The following TENM4 variants were observed in gnomAD, a reference collection of about 807,000 sequenced individuals.
TENM4 encodes the protein teneurin transmembrane protein 4.
A neutral mutation model predicts 243.3 loss-of-function variants in TENM4; 82 were observed. The ratio of observed to expected loss-of-function variants is 0.34; its 90% CI spans 0.28 to 0.40. TENM4 has a LOEUF of 0.40. Ranked by LOEUF, TENM4 falls within the 10% of genes least tolerant of loss-of-function variation. The probability of loss-of-function intolerance (pLI) is 1.00; values close to 1 mark genes in which losing one functional copy is unlikely to be tolerated. For synonymous variants in TENM4, 1,412 were observed against 1,456.3 expected (o/e 0.97, Z 0.69); for missense variants, 3,138 against 3,673.3 (o/e 0.85, Z 3.77).
At chr11:79,411,706 TG>T (rs1858705133) in intron 1 of TENM4, among the ~76,000 whole-genome samples, 1 of 152,184 alleles carries the variant, frequency 6.6e-6, no homozygotes, top group Non-Finnish European at 1.5e-5. Context: ...TTTTGGTTTT[TG>T]GTTTCCTCTA....
intron 3 of TENM4, 77 bp from the exon 4 acceptor site, chr11:79,148,883 G>C: frequency 4.5e-6 from 2 of 442,132 alleles, no homozygotes; most frequent in Non-Finnish European, 6.0e-6. Flanking sequence ...GAAGATTCTG[G>C]CAGCTTGGGA....
chr11:79,002,014 C>T (rs539266177), intron 6 of TENM4, among the ~76,000 whole-genome samples: 135 of 152,284 alleles, frequency 8.9e-4, no homozygotes, highest in African/African-American at 3.1e-3. Context: ...ATCCAGGGTG[C>T]ACCTGGCTTC....
intron 10 of TENM4, among the ~76,000 whole-genome samples, chr11:78,857,475 TTAC>T (rs1475614305): frequency 6.6e-6 from 1 of 152,206 alleles, no homozygotes; most frequent in Admixed American, 6.5e-5. Flanking sequence ...ATAAAACATT[TTAC>T]TGTTTTAAAT....
At chr11:78,844,819 T>A (rs960146079) in intron 12 of TENM4, among the ~76,000 whole-genome samples, 5 of 152,192 alleles carry the variant, frequency 3.3e-5, no homozygotes, top group Admixed American at 2.6e-4. Context: ...TGTTCAGAAC[T>A]GTGAGAAATA....
At chr11:79,261,280 G>A (rs985532772) in intron 2 of TENM4, among the ~76,000 whole-genome samples, 1 of 152,176 alleles carries the variant, frequency 6.6e-6, no homozygotes, top group African/African-American at 2.4e-5. Flanking sequence ...TAGCAGGGTA[G>A]CCTCCATGCT....
At chr11:79,266,722 T>A (rs537474212) in intron 2 of TENM4, among the ~76,000 whole-genome samples, 1 of 152,246 alleles carries the variant, frequency 6.6e-6, no homozygotes, top group African/African-American at 2.4e-5. Context: ...GGCCAAAGCA[T>A]GACTTTTGCT....
At chr11:78,885,466 G>A (rs1328606349) in intron 9 of TENM4, among the ~76,000 whole-genome samples, 1 of 152,262 alleles carries the variant, frequency 6.6e-6, no homozygotes, top group Non-Finnish European at 1.5e-5. Context: ...TCCCAGGAGA[G>A]GAGGAGATGG....
At chr11:79,343,503 G>C (rs903254717) in intron 1 of TENM4, among the ~76,000 whole-genome samples, 1 of 152,100 alleles carries the variant, frequency 6.6e-6, no homozygotes, top group South Asian at 2.1e-4. Context: ...GTTCTTGTGA[G>C]CATTAAAAAA....
chr11:78,905,319 A>G (rs1424375631), intron 6 of TENM4, among the ~76,000 whole-genome samples: 3 of 152,192 alleles, frequency 2.0e-5, no homozygotes, highest in Non-Finnish European at 4.4e-5. Flanking sequence ...TTTTTAGTGT[A>G]AGATGCATCA....
chr11:78,965,188 C>G (rs1857411652), intron 6 of TENM4, among the ~76,000 whole-genome samples: 1 of 152,050 alleles, frequency 6.6e-6, no homozygotes, highest in Non-Finnish European at 1.5e-5. Context: ...AATTTGTCCA[C>G]CCACCACCCC....
At chr11:79,141,456 C>G (rs559731880) in intron 4 of TENM4, among the ~76,000 whole-genome samples, 35 of 152,162 alleles carry the variant, frequency 2.3e-4, no homozygotes, top group African/African-American at 7.9e-4. Flanking sequence ...AATCCAAAAC[C>G]TGAACAGACT....
chr11:78,971,451 C>T (rs1051701859), intron 6 of TENM4, among the ~76,000 whole-genome samples: 7 of 152,070 alleles, frequency 4.6e-5, no homozygotes, highest in Admixed American at 6.6e-5. Context: ...TATAGGCACG[C>T]GCCACCATGC....
rs1590915586 is a variant in TENM4 at position 78,657,333 on chromosome 11, G to C, written c.*725C>G. ...GAGACACTTTCTCTATCCCAGCATG[G>C]GGGTGGCACCGACAACTACACAGGA... On this transcript the variant is annotated 3_prime_UTR_variant, in exon 34 of 34. Coordinates refer to ENST00000278550, the MANE Select transcript of TENM4 (RefSeq NM_001098816.3). 1.0e-5 allele frequency: 4 copies of C among 395,288 alleles called. No individual in the cohort carries two copies. The East Asian group carries it at 1.4e-4, about 14-fold the overall frequency. The allele number at this position is 395,288 out of a possible 1,614,324, so 24.5% of individuals were successfully genotyped here.
chr11:78,963,770 C>CA (rs1352779992), intron 6 of TENM4, among the ~76,000 whole-genome samples: 26 of 147,436 alleles, frequency 1.8e-4, no homozygotes, highest in African/African-American at 6.0e-4. Context: ...CTCACTCTGT[C>CA]ACCCAGGCTG....
At chr11:78,740,384 C>A (rs976667371) in intron 19 of TENM4, among the ~76,000 whole-genome samples, 4 of 144,514 alleles carry the variant, frequency 2.8e-5, no homozygotes, top group African/African-American at 1.0e-4. Context: ...TCACCTCACT[C>A]CACACAATCT....
chr11:79,296,618 C>T (rs7121482), intron 2 of TENM4, among the ~76,000 whole-genome samples: 2,159 of 152,324 alleles, frequency 0.014, 56 homozygotes, highest in African/African-American at 0.049. Flanking sequence ...CATTCAGATG[C>T]TACAACTACC....
Position 78,656,850 on chromosome 11 carries a change from C to T in TENM4, c.*1208G>A, listed in dbSNP as rs995696839. The T allele has an allele frequency of 1.3e-5, 5 of 395,792 alleles. No homozygotes were observed. Among genetic ancestry groups the T allele is most frequent in the South Asian group, 1.4e-4 (1 of 7,004 alleles). 24.5% of individuals were successfully genotyped at this position (395,792 alleles called of 1,614,324 possible). On this transcript the variant is annotated 3_prime_UTR_variant, in exon 34 of 34. Transcript: ENST00000278550. ...AGTCCAGCTCTGCGATCAGCTGGTA[C>T]ATGGAGGCAGATGGGACTTTGGGAA...
chr11:79,340,707 G>C (rs1857227774), intron 1 of TENM4, among the ~76,000 whole-genome samples: 1 of 152,042 alleles, frequency 6.6e-6, no homozygotes, highest in Admixed American at 6.5e-5. Context: ...TGCTTTGTTT[G>C]AAAGACCCAT....
chr11:79,200,286 G>A (rs1259993954), intron 3 of TENM4, among the ~76,000 whole-genome samples: 1 of 152,230 alleles, frequency 6.6e-6, no homozygotes, highest in Non-Finnish European at 1.5e-5. Context: ...AGGCAGGGCA[G>A]CAGTCCGATG....
Sources: gnomAD v4.1 joint callset for allele counts (sites outside exome capture counted in the v4.1 genomes callset) on GRCh38, gnomAD v4.1.1 for gene constraint, MANE v1.5 for transcripts, NCBI Gene and HGNC (gene_info 2026-07-23, HGNC 2026-07-21) for gene names.